Variants in MCM9 observed in about 807,000 individuals in gnomAD.
The protein encoded by MCM9 is DNA helicase MCM9.
MCM9 carries 55 observed loss-of-function variants against 72.8 expected under a neutral mutation model. The observed-to-expected ratio is 0.76, with a 90% confidence interval of 0.61 to 0.95. The LOEUF (loss-of-function observed/expected upper bound fraction) is 0.95, where lower values mean the gene tolerates loss of function less well. Among genes scored for constraint, MCM9 ranks in the 40% least tolerant of loss-of-function variants. The probability of loss-of-function intolerance (pLI) is 0.00; values close to 1 mark genes in which losing one functional copy is unlikely to be tolerated. For synonymous variants in MCM9, 480 were observed against 503.4 expected (o/e 0.95, Z 0.62); for missense variants, 1,279 against 1,377.0 (o/e 0.93, Z 1.13).
At chr6:118,919,540 A>G (rs1431861300) in intron 5 of MCM9, 3 of 152,164 alleles carry the variant, frequency 2.0e-5, no homozygotes, top group Non-Finnish European at 4.4e-5. Context: ...AGTAATTAAT[A>G]CCTTTAAAAG....
At chr6:118,924,511 A>G (rs1277866921) in intron 3 of MCM9, among the ~76,000 whole-genome samples, 1 of 152,230 alleles carries the variant, frequency 6.6e-6, no homozygotes, top group Non-Finnish European at 1.5e-5. Context: ...CACAGATAAA[A>G]TCAACTGATG....
intron 8 of MCM9, among the ~76,000 whole-genome samples, chr6:118,859,617 A>T (rs774583499): frequency 7.9e-5 from 12 of 152,230 alleles, no homozygotes; most frequent in Non-Finnish European, 1.0e-4. Context: ...CTCACAGTGG[A>T]AAAATCAAGA....
chr6:118,874,931 T>C (rs138877168), intron 8 of MCM9, among the ~76,000 whole-genome samples: 3 of 152,094 alleles, frequency 2.0e-5, no homozygotes, highest in African/African-American at 7.2e-5. Context: ...CTGGCCAACA[T>C]AGTGAAACCC....
At chr6:118,847,375 T>C (rs1221271867) in intron 9 of MCM9, among the ~76,000 whole-genome samples, 1 of 144,026 alleles carries the variant, frequency 6.9e-6, no homozygotes, top group East Asian at 2.0e-4. Context: ...CCTACCATTA[T>C]GTAATATACC....
chr6:118,891,193 A>G (rs1447505780), intron 8 of MCM9, among the ~76,000 whole-genome samples: 1 of 152,158 alleles, frequency 6.6e-6, no homozygotes, highest in Non-Finnish European at 1.5e-5. Flanking sequence ...CCAGTGGTAT[A>G]TACTTCCTCT....
chr6:118,915,568 C>CTTAA (rs1419119157), intron 6 of MCM9, among the ~76,000 whole-genome samples: 2 of 152,162 alleles, frequency 1.3e-5, no homozygotes, highest in Non-Finnish European at 2.9e-5. Context: ...AGGATCAGGT[C>CTTAA]TTAAGCAAGT....
chr6:118,843,654 ATGTG>A (rs74206639), intron 9 of MCM9, among the ~76,000 whole-genome samples: 3,449 of 31,802 alleles, frequency 0.11, 261 homozygotes, highest in East Asian at 0.25. Context: ...ATATATATAT[ATGTG>A]TATATATATA....
At chr6:118,855,640 C>A (rs1776506122) in intron 9 of MCM9, among the ~76,000 whole-genome samples, 1 of 152,286 alleles carries the variant, frequency 6.6e-6, no homozygotes, top group Non-Finnish European at 1.5e-5. Flanking sequence ...GAAGACACTG[C>A]TGGCAGCCCT....
At chr6:118,923,698 A>C (rs1781625473) in intron 4 of MCM9, 113 bp downstream of exon 4, 3 of 913,110 alleles carry the variant, frequency 3.3e-6, no homozygotes, top group African/African-American at 1.7e-5. Context: ...TCTTCCACAA[A>C]GTGACAACAC....
At chr6:118,861,985 G>A (rs145757977) in intron 8 of MCM9, among the ~76,000 whole-genome samples, 10,041 of 152,224 alleles carry the variant, frequency 0.066, 476 homozygotes, top group East Asian at 0.19. Flanking sequence ...TCAGCCCCCC[G>A]ACATCCTCCC....
intron 6 of MCM9, among the ~76,000 whole-genome samples, chr6:118,916,567 T>C (rs980048109): frequency 6.6e-6 from 1 of 151,636 alleles, no homozygotes; most frequent in African/African-American, 2.4e-5. Context: ...CAAGTGATTC[T>C]CCTGTCTCAC....
At chr6:118,934,826 G>A (rs1484644369) in intron 1 of MCM9, 65 bp downstream of exon 1, 2 of 152,286 alleles carry the variant, frequency 1.3e-5, no homozygotes, top group Admixed American at 1.3e-4. Context: ...AATGAGACGG[G>A]AACGAGACTT....
At chr6:118,890,012 T>C (rs1163094551) in intron 8 of MCM9, among the ~76,000 whole-genome samples, 1 of 152,174 alleles carries the variant, frequency 6.6e-6, no homozygotes, top group Non-Finnish European at 1.5e-5. Context: ...CATTCCAGGA[T>C]GTGTAGCTCC....
At chr6:118,902,347 C>T (rs1779854833) in intron 8 of MCM9, among the ~76,000 whole-genome samples, 1 of 152,114 alleles carries the variant, frequency 6.6e-6, no homozygotes, top group Middle Eastern at 3.2e-3. Flanking sequence ...ACAGTATAAT[C>T]AGTCACTCAT....
At chr6:118,899,469 G>A (rs138597880) in intron 8 of MCM9, among the ~76,000 whole-genome samples, 277 of 152,162 alleles carry the variant, frequency 1.8e-3, no homozygotes, top group Middle Eastern at 0.01. Flanking sequence ...TCCCTCTGGC[G>A]AGATACTTAT....
At chr6:118,895,625 A>G (rs1007125334) in intron 8 of MCM9, among the ~76,000 whole-genome samples, 1 of 152,158 alleles carries the variant, frequency 6.6e-6, no homozygotes, top group Admixed American at 6.5e-5. Context: ...TCTTAAAAAT[A>G]CGTATTTTTA....
chr6:118,869,036 T>C (rs1777406744), intron 8 of MCM9, among the ~76,000 whole-genome samples: 1 of 152,158 alleles, frequency 6.6e-6, no homozygotes, highest in African/African-American at 2.4e-5. Context: ...AATGATAGAC[T>C]GGATTAAGAA....
Position 118,837,122 on chromosome 6 carries a change from C to T in MCM9, c.1326-7872G>A, listed in dbSNP as rs556121758. Reference sequence around the variant, plus strand: ...AACTTATTTATTTCTGCCTTAATTTCGTTATTTACCCAGTAGTCATTCAGG... The same window carrying T: ...AACTTATTTATTTCTGCCTTAATTTTGTTATTTACCCAGTAGTCATTCAGG... On this transcript the variant is annotated intron_variant, in intron 9 of 13. Transcript: ENST00000619706. Among the ~76,000 whole-genome samples, 4 of 152,250 alleles carry T rather than the reference C, an allele frequency of 2.6e-5. No homozygotes were observed. The South Asian group carries it at 6.2e-4, about 24-fold the overall frequency.
At chr6:118,924,336 T>TA (rs1178420742) in intron 3 of MCM9, among the ~76,000 whole-genome samples, 2 of 152,174 alleles carry the variant, frequency 1.3e-5, no homozygotes, top group African/African-American at 4.8e-5. Context: ...AGTTTTTTTT[T>TA]AATCCAGATA....
Sources: allele counts gnomAD v4.1 joint callset (sites outside exome capture counted in the v4.1 genomes callset), GRCh38; gene constraint gnomAD v4.1.1; transcripts MANE v1.5; gene names NCBI Gene and HGNC (gene_info 2026-07-23, HGNC 2026-07-21).